CCDC180: variants seen among roughly 807,000 people sequenced by gnomAD.
The protein encoded by CCDC180 is coiled-coil domain containing 180, also known as coiled-coil domain-containing protein 180.
A neutral mutation model predicts 209.2 loss-of-function variants in CCDC180; 154 were observed. The observed-to-expected ratio is 0.74, with a 90% CI of 0.65 to 0.84. The LOEUF (loss-of-function observed/expected upper bound fraction) is 0.84, where lower values mean the gene tolerates loss of function less well. Among genes scored for constraint, CCDC180 ranks in the 40% least tolerant of loss-of-function variants. The pLI, the probability that CCDC180 is intolerant of heterozygous loss-of-function variation, is 0.00. For synonymous variants in CCDC180, 778 were observed against 749.1 expected (o/e 1.04, Z -0.63); for missense variants, 1,874 against 1,997.3 (o/e 0.94, Z 1.18).
intron 16 of CCDC180, 68 bp downstream of exon 16, chr9:97,328,214 A>T: frequency 6.4e-7 from 1 of 1,556,524 alleles, no homozygotes; most frequent in Non-Finnish European, 8.8e-7. Flanking sequence ...ACTTCTTGTT[A>T]TGATCTGCCT....
At chr9:97,362,104 G>A (rs1055164473) in intron 27 of CCDC180, 92 bp from the exon 28 acceptor site, 12 of 1,507,974 alleles carry the variant, frequency 8.0e-6, no homozygotes, top group South Asian at 2.6e-5. Context: ...CTGACGTGGC[G>A]CTGAGGACTA....
Position 97,317,233 on chromosome 9 carries a change from G to A in CCDC180, c.959+5G>A. 6.3e-7 allele frequency: 1 copy of A among 1,574,866 alleles called. No individual in the cohort carries two copies. Among genetic ancestry groups the A allele is most frequent in the Non-Finnish European group, 8.7e-7 (1 of 1,152,816 alleles). ...GGCCCTGCTGCAGAGTTTCAGGTCA[G>A]TGCCGCCCACACAGCTCCTTCTCCA... On this transcript the variant is annotated splice_donor_5th_base_variant and intron_variant, in intron 9 of 36. Coordinates refer to ENST00000529487, the MANE Select transcript of CCDC180 (RefSeq NM_020893.6).
chr9:97,349,367 C>T, intron 21 of CCDC180, 76 bp downstream of exon 21: 1 of 1,317,944 alleles, frequency 7.6e-7, no homozygotes, highest in Non-Finnish European at 1.0e-6. Flanking sequence ...TCAAAGGAGC[C>T]CCCCTCCCTG....
intron 18 of CCDC180, among the ~76,000 whole-genome samples, chr9:97,336,377 A>C (rs1159915461): frequency 6.6e-6 from 1 of 152,202 alleles, no homozygotes; most frequent in African/African-American, 2.4e-5. Context: ...AGCTTTCTAC[A>C]TATGGCTAGC....
At chr9:97,354,548 T>C (rs374935861) in intron 22 of CCDC180, 21 bp from the exon 23 acceptor site, 126 of 1,613,456 alleles carry the variant, frequency 7.8e-5, no homozygotes, top group Non-Finnish European at 1.0e-4. Context: ...GTGGCTTTTA[T>C]TTGTCTTTGA....
At chr9:97,336,546 T>C (rs573116870) in intron 18 of CCDC180, among the ~76,000 whole-genome samples, 25 of 152,344 alleles carry the variant, frequency 1.6e-4, no homozygotes, top group African/African-American at 5.5e-4. Context: ...ACCAGTACCA[T>C]GCTGTTTTGA....
chr9:97,367,554 A>G (rs1042713145), intron 31 of CCDC180, among the ~76,000 whole-genome samples: 1 of 151,286 alleles, frequency 6.6e-6, no homozygotes, highest in African/African-American at 2.4e-5. Context: ...GCTCACTGCA[A>G]CCTCTGTCTC....
At chr9:97,359,928 C>A in intron 25 of CCDC180, 54 bp from the exon 26 acceptor site, 2 of 1,603,440 alleles carry the variant, frequency 1.2e-6, no homozygotes, top group South Asian at 2.2e-5. Flanking sequence ...CAGAATCTAC[C>A]CACCCTCCTG....
intron 22 of CCDC180, among the ~76,000 whole-genome samples, chr9:97,351,672 A>C (rs1021880959): frequency 1.4e-5 from 2 of 143,754 alleles, no homozygotes; most frequent in Non-Finnish European, 3.1e-5. Flanking sequence ...TTATGTATAC[A>C]TGAGCAAAAA....
intron 26 of CCDC180, 35 bp downstream of exon 26, chr9:97,360,136 G>A (rs1479730708): frequency 5.0e-6 from 8 of 1,605,494 alleles, no homozygotes; most frequent in Non-Finnish European, 6.8e-6. Flanking sequence ...GAAAGGGTGG[G>A]TGAGCTGTTG....
At chr9:97,341,833 C>T (rs1395692544) in intron 18 of CCDC180, among the ~76,000 whole-genome samples, 1 of 152,144 alleles carries the variant, frequency 6.6e-6, no homozygotes, top group Admixed American at 6.5e-5. Context: ...GAGGTGGGCT[C>T]CACCCAGTTC....
chr9:97,371,632 A>C lies in CCDC180; in HGVS notation c.4526A>C (p.Asn1509Thr), dbSNP rs1287232927. 2.5e-6 allele frequency: 4 copies of C among 1,608,664 alleles called. No individual in the cohort carries two copies. The highest frequency in any genetic ancestry group is 3.4e-6 in the Non-Finnish European group (4 of 1,175,570). ...AGGAATGGCCAGGTTTTCATAACCA[A>C]CTTGGCCACCTTCACCGAGAAGTTC... is the stretch of plus-strand genomic sequence containing the variant. ...TRRNGQVFIT[N>T]LATFTEKFLL... Residue 1509 changes from asparagine (N) to threonine (T), a missense_variant, in exon 34 of 37, where the codon AAC (asparagine) becomes ACC (threonine). Asn to Thr is a moderately conservative substitution (Grantham distance 65, BLOSUM62 0). Transcript: ENST00000529487.
At position 97,307,671 on chromosome 9, in the gene CCDC180, C is replaced by T; in HGVS notation, c.-217C>T. The T allele has an allele frequency of 3.9e-6, 6 of 1,534,908 alleles. No homozygotes were observed. Among genetic ancestry groups the T allele is most frequent in the Non-Finnish European group, 5.4e-6 (6 of 1,112,228 alleles). On this transcript the variant is annotated 5_prime_UTR_variant, in exon 1 of 37. Coordinates refer to ENST00000529487, the MANE Select transcript of CCDC180 (RefSeq NM_020893.6). Reference sequence around the variant, plus strand: ...CAACCGACACCTTGAGCGCCGTTAACTTTTCCCCGAAGAGCATGGCAGAGT... The same window carrying T: ...CAACCGACACCTTGAGCGCCGTTAATTTTTCCCCGAAGAGCATGGCAGAGT...
intron 19 of CCDC180, 29 bp from the exon 20 acceptor site, chr9:97,347,285 G>C (rs1332291456): frequency 2.6e-6 from 4 of 1,532,810 alleles, no homozygotes; most frequent in Non-Finnish European, 3.5e-6. Flanking sequence ...ATTGCTGGCA[G>C]GGCTGACCCT....
intron 28 of CCDC180, chr9:97,363,775 A>G (rs1826835987): frequency 3.6e-6 from 2 of 551,532 alleles, no homozygotes; most frequent in East Asian, 3.4e-5. Flanking sequence ...CAGGAATGCA[A>G]ATTTCTGGGC....
intron 18 of CCDC180, among the ~76,000 whole-genome samples, chr9:97,335,384 T>A (rs952953105): frequency 9.9e-5 from 15 of 152,104 alleles, no homozygotes; most frequent in Non-Finnish European, 5.9e-5. Flanking sequence ...TGTATCCAAG[T>A]GTTCTCATTG....
chr9:97,362,951 G>A (rs537684768), intron 28 of CCDC180, among the ~76,000 whole-genome samples: 1 of 152,350 alleles, frequency 6.6e-6, no homozygotes, highest in East Asian at 1.9e-4. Context: ...CATGCGTGCT[G>A]TGTGCAATGG....
At chr9:97,323,667 C>T (rs1459961735) in intron 12 of CCDC180, 114 bp from the exon 13 acceptor site, 2 of 1,262,690 alleles carry the variant, frequency 1.6e-6, no homozygotes, top group Non-Finnish European at 2.1e-6. Flanking sequence ...GGTGCAGGGC[C>T]CTTCACCTGG....
chr9:97,348,266 A>G (rs1254949032), intron 20 of CCDC180, among the ~76,000 whole-genome samples: 2 of 152,320 alleles, frequency 1.3e-5, no homozygotes, highest in East Asian at 3.9e-4. Flanking sequence ...GGAGCAGGGA[A>G]AGAGTTGTGC....
Sources: gnomAD v4.1 joint callset for allele counts (sites outside exome capture counted in the v4.1 genomes callset) on GRCh38, gnomAD v4.1.1 for gene constraint, MANE v1.5 for transcripts, NCBI Gene and HGNC (gene_info 2026-07-23, HGNC 2026-07-21) for gene names.